CCDC6: variants seen among roughly 807,000 people sequenced by gnomAD.
The protein encoded by CCDC6 is coiled-coil domain-containing protein 6.
A neutral mutation model predicts 56.6 loss-of-function variants in CCDC6; 20 were observed. The ratio of observed to expected loss-of-function variants is 0.35; its 90% confidence interval spans 0.25 to 0.51. The LOEUF (loss-of-function observed/expected upper bound fraction) is 0.51. Ranked by LOEUF, CCDC6 falls within the 20% of genes least tolerant of loss-of-function variation. The pLI, the probability that CCDC6 is intolerant of heterozygous loss-of-function variation, is 0.95. For synonymous variants in CCDC6, 241 were observed against 234.4 expected (o/e 1.03, Z -0.26); for missense variants, 367 against 601.1 (o/e 0.61, Z 4.07).
chr10:59,794,378 G>A, intron 8 of CCDC6, 95 bp downstream of exon 8: 14 of 1,259,510 alleles, frequency 1.1e-5, no homozygotes, highest in Non-Finnish European at 1.6e-5. Flanking sequence ...CAGGAAGAAG[G>A]GCAAATGTCT....
At chr10:59,815,151 A>G (rs1466047473) in intron 3 of CCDC6, among the ~76,000 whole-genome samples, 4 of 152,176 alleles carry the variant, frequency 2.6e-5, no homozygotes, top group Non-Finnish European at 5.9e-5. Flanking sequence ...CAGAAAGGTT[A>G]TATTACTATT....
At chr10:59,845,528 T>C (rs751520511) in intron 2 of CCDC6, among the ~76,000 whole-genome samples, 12 of 152,182 alleles carry the variant, frequency 7.9e-5, no homozygotes, top group Non-Finnish European at 1.8e-4. Context: ...ATTTTTGCCA[T>C]GCTACTAACA....
intron 2 of CCDC6, among the ~76,000 whole-genome samples, chr10:59,839,506 C>T (rs1353211637): frequency 1.3e-5 from 2 of 152,174 alleles, no homozygotes; most frequent in Non-Finnish European, 2.9e-5. Context: ...TAGGACATTA[C>T]CCATATATCA....
At chr10:59,837,343 T>C (rs1171396540) in intron 2 of CCDC6, among the ~76,000 whole-genome samples, 1 of 152,208 alleles carries the variant, frequency 6.6e-6, no homozygotes. Context: ...TCCTAGGTTT[T>C]GTAAAATGTC....
chr10:59,856,039 T>C lies in CCDC6; in HGVS notation c.304-3337A>G, dbSNP rs531232249. Among the ~76,000 whole-genome samples the C allele has an allele frequency of 2.0e-5, 3 of 152,324 alleles. No individual in the cohort carries two copies. The South Asian group carries it at 6.2e-4, about 32-fold the overall frequency. ...CACTCTCAGGACCTCTGAATGAACA[T>C]GAGAAACTGTTCTGGTGCAGCCTGT... On this transcript the variant is annotated intron_variant, in intron 1 of 8. Coordinates refer to ENST00000263102, the MANE Select transcript of CCDC6 (RefSeq NM_005436.5).
chr10:59,861,256 GCTGA>G (rs1238236265), intron 1 of CCDC6, among the ~76,000 whole-genome samples: 1 of 152,024 alleles, frequency 6.6e-6, no homozygotes, highest in African/African-American at 2.4e-5. Flanking sequence ...TACTCAGCAG[GCTGA>G]GATGGAAGGA....
At chr10:59,891,183 A>G (rs530930398) in intron 1 of CCDC6, among the ~76,000 whole-genome samples, 2 of 152,290 alleles carry the variant, frequency 1.3e-5, no homozygotes, top group African/African-American at 4.8e-5. Flanking sequence ...TTTATTTCCA[A>G]TTGAAATACA....
intron 1 of CCDC6, among the ~76,000 whole-genome samples, chr10:59,902,388 C>CTTTTTT (rs35175510): frequency 1.1e-5 from 1 of 88,422 alleles, no homozygotes; most frequent in African/African-American, 4.3e-5. Flanking sequence ...AACAGTAACT[C>CTTTTTT]TTTTTTTTTT....
intron 1 of CCDC6, among the ~76,000 whole-genome samples, chr10:59,902,743 G>A (rs1205341861): frequency 1.3e-5 from 2 of 152,144 alleles, no homozygotes; most frequent in African/African-American, 2.4e-5. Flanking sequence ...AATGAAAAAC[G>A]ATGCAGCCAC....
intron 1 of CCDC6, among the ~76,000 whole-genome samples, chr10:59,892,561 C>T (rs1296482856): frequency 6.6e-6 from 1 of 152,156 alleles, no homozygotes; most frequent in Non-Finnish European, 1.5e-5. Context: ...CTATCATAAT[C>T]TTATAGGATT....
chr10:59,853,509 G>A (rs775451552), intron 1 of CCDC6, among the ~76,000 whole-genome samples: 1 of 152,134 alleles, frequency 6.6e-6, no homozygotes, highest in Non-Finnish European at 1.5e-5. Context: ...ACACCAGCCT[G>A]GGTGACAGAG....
At chr10:59,832,747 C>T (rs897736297) in intron 2 of CCDC6, 94 bp from the exon 3 acceptor site, 4 of 1,358,666 alleles carry the variant, frequency 2.9e-6, no homozygotes, top group Admixed American at 2.2e-5. Flanking sequence ...AGAAGCTATA[C>T]CACAAAAGTT....
chr10:59,881,828 G>T (rs1311479744), intron 1 of CCDC6, among the ~76,000 whole-genome samples: 7 of 152,168 alleles, frequency 4.6e-5, no homozygotes, highest in Non-Finnish European at 1.0e-4. Context: ...TGTGTGATAG[G>T]GTAGACGTAA....
rs940798356 is a variant in CCDC6 at position 59,791,233 on chromosome 10, G to A, written c.*1684C>T. The A allele has an allele frequency of 1.0e-5, 2 of 197,740 alleles. No homozygotes were observed. Among genetic ancestry groups the A allele is most frequent in the Non-Finnish European group, 2.1e-5 (2 of 95,644 alleles). 12.2% of individuals were successfully genotyped at this position (197,740 alleles called of 1,614,324 possible). ...TAAATAAAATTTATATAGACCTACA[G>A]TTTCTTCCAAACAATTGAGTGATGT... On this transcript the variant is annotated 3_prime_UTR_variant, in exon 9 of 9. Coordinates refer to ENST00000263102, the MANE Select transcript of CCDC6 (RefSeq NM_005436.5).
At chr10:59,810,892 G>A (rs939223205) in intron 5 of CCDC6, among the ~76,000 whole-genome samples, 1 of 152,090 alleles carries the variant, frequency 6.6e-6, no homozygotes, top group Non-Finnish European at 1.5e-5. Context: ...TTATCACAGT[G>A]GGCCCAACAT....
chr10:59,810,395 G>C (rs1178351255), intron 5 of CCDC6, among the ~76,000 whole-genome samples: 2 of 152,152 alleles, frequency 1.3e-5, no homozygotes, highest in African/African-American at 2.4e-5. Flanking sequence ...AGTCTCTTCA[G>C]ACTAAACAGT....
At chr10:59,846,795 C>A (rs115781452) in intron 2 of CCDC6, among the ~76,000 whole-genome samples, 157 of 152,262 alleles carry the variant, frequency 1.0e-3, no homozygotes, top group African/African-American at 3.6e-3. Context: ...TCTTCCTACC[C>A]CAGTTGTAAT....
intron 2 of CCDC6, among the ~76,000 whole-genome samples, chr10:59,843,178 G>A (rs745696843): frequency 2.6e-5 from 4 of 152,172 alleles, no homozygotes; most frequent in Non-Finnish European, 5.9e-5. Flanking sequence ...GAGCCAACGC[G>A]CCCGGCCAGA....
rs868101120 is a variant in CCDC6 at position 59,807,433 on chromosome 10, G to A, written c.848-355C>T. On this transcript the variant is annotated intron_variant, in intron 5 of 8. Coordinates refer to ENST00000263102, the MANE Select transcript of CCDC6 (RefSeq NM_005436.5). Reference sequence around the variant, plus strand: ...TCAGGAGGTGGAGGTTGTAGTGAGCGAGACTGAGCTACTGCACTTCAGCCT... The same window carrying A: ...TCAGGAGGTGGAGGTTGTAGTGAGCAAGACTGAGCTACTGCACTTCAGCCT... 3.3e-5 allele frequency among the ~76,000 whole-genome samples: 5 copies of A among 152,120 alleles called. No homozygotes were observed. In the South Asian group the frequency reaches 6.2e-4, roughly 19 times the overall value.
Sources: allele counts gnomAD v4.1 joint callset (sites outside exome capture counted in the v4.1 genomes callset), GRCh38; gene constraint gnomAD v4.1.1; transcripts MANE v1.5; gene names NCBI Gene and HGNC (gene_info 2026-07-23, HGNC 2026-07-21).